The following RPRD2 variants were observed in gnomAD, a reference collection of about 807,000 sequenced individuals.
The protein encoded by RPRD2 is regulation of nuclear pre-mRNA domain-containing protein 2.
Under a neutral mutation model 104.4 loss-of-function variants are expected in RPRD2, and 12 were observed. The ratio of observed to expected loss-of-function variants is 0.11; its 90% CI spans 0.07 to 0.19. The LOEUF (loss-of-function observed/expected upper bound fraction) is 0.19, where lower values mean the gene tolerates loss of function less well. RPRD2 is among the 10% of genes least tolerant of loss of function. The pLI is 1.00. For missense variants in RPRD2, 1,543 were observed against 1,790.1 expected, an observed-to-expected ratio of 0.86 and a Z score of 2.49; for synonymous variants, 714 against 684.9, an observed-to-expected ratio of 1.04 and a Z score of -0.66.
chr1:150,390,941 A>G (rs1662017802), intron 1 of RPRD2, among the ~76,000 whole-genome samples: 3 of 152,190 alleles, frequency 2.0e-5, no homozygotes, highest in Non-Finnish European at 4.4e-5. Context: ...AAAGAAATCT[A>G]CTTGTACATA....
chr1:150,450,605 CAAA>C (rs1186175962), intron 7 of RPRD2, among the ~76,000 whole-genome samples: 11 of 50,558 alleles, frequency 2.2e-4, no homozygotes, highest in African/African-American at 4.2e-4. Flanking sequence ...GACTCCGTCT[CAAA>C]AAAAAAAAAA....
At chr1:150,422,000 A>G (rs1305699562) in intron 2 of RPRD2, among the ~76,000 whole-genome samples, 2 of 149,132 alleles carry the variant, frequency 1.3e-5, no homozygotes, top group African/African-American at 5.0e-5. Context: ...AAACAAATAC[A>G]GAACTTAAGT....
intron 10 of RPRD2, among the ~76,000 whole-genome samples, chr1:150,465,645 T>G (rs782633299): frequency 3.3e-5 from 5 of 152,196 alleles, no homozygotes; most frequent in Non-Finnish European, 7.3e-5. Context: ...TTCTTTCACC[T>G]ACACCATGAC....
chr1:150,443,782 G>T (rs1441438176), intron 5 of RPRD2, among the ~76,000 whole-genome samples: 2 of 151,854 alleles, frequency 1.3e-5, no homozygotes, highest in Non-Finnish European at 2.9e-5. Flanking sequence ...GAGGTGGGCG[G>T]ATCACGAGGT....
chr1:150,421,881 G>T (rs1553889663), intron 2 of RPRD2, among the ~76,000 whole-genome samples: 1 of 152,028 alleles, frequency 6.6e-6, no homozygotes, highest in Non-Finnish European at 1.5e-5. Context: ...GGAGGCCAAG[G>T]CAGGAGGATC....
intron 2 of RPRD2, among the ~76,000 whole-genome samples, chr1:150,430,878 G>A (rs1347977612): frequency 1.3e-5 from 2 of 151,766 alleles, no homozygotes; most frequent in East Asian, 3.9e-4. Context: ...GGTGAGCTGA[G>A]ATCGCGCCGT....
intron 1 of RPRD2, among the ~76,000 whole-genome samples, chr1:150,402,779 C>T (rs1282439321): frequency 1.3e-5 from 2 of 152,126 alleles, no homozygotes; most frequent in African/African-American, 4.8e-5. Flanking sequence ...CCAGCCTGAC[C>T]AACATGGAGA....
At chr1:150,455,461 C>G (rs1168961371) in intron 7 of RPRD2, among the ~76,000 whole-genome samples, 1 of 151,570 alleles carries the variant, frequency 6.6e-6, no homozygotes, top group East Asian at 1.9e-4. Flanking sequence ...AAGACCATAC[C>G]ACTGCACTCC....
At chr1:150,380,530 A>G (rs1553880592) in intron 1 of RPRD2, among the ~76,000 whole-genome samples, 1 of 151,740 alleles carries the variant, frequency 6.6e-6, no homozygotes, top group Non-Finnish European at 1.5e-5. Context: ...GTATTTTTCT[A>G]GTAGAGATGA....
At chr1:150,433,417 C>T (rs764235430) in intron 2 of RPRD2, among the ~76,000 whole-genome samples, 247 of 141,978 alleles carry the variant, frequency 1.7e-3, no homozygotes, top group Middle Eastern at 3.6e-3. Context: ...ACTATATATA[C>T]ACACACACAC....
Position 150,474,842 on chromosome 1 carries a change from G to A in RPRD2, c.*1508G>A, listed in dbSNP as rs1376973766. The A allele has an allele frequency of 2.0e-5, 3 of 152,180 alleles. No individual in the cohort carries two copies. Among genetic ancestry groups the A allele is most frequent in the Admixed American group, 6.5e-5 (1 of 15,284 alleles). 9.4% of individuals were successfully genotyped at this position (152,180 alleles called of 1,614,324 possible). A position where few individuals can be genotyped will look rare whatever the true frequency, so the allele number is the denominator to read the frequency against. ...GTTAGTATAGAACTAACTATAGGAA[G>A]TATGGGGTTGCTTTTTCCTCCAGTA... On this transcript the variant is annotated 3_prime_UTR_variant, in exon 11 of 11. Coordinates refer to ENST00000369068, the MANE Select transcript of RPRD2 (RefSeq NM_015203.5).
chr1:150,430,104 T>C lies in RPRD2; in HGVS notation c.336-10819T>C, dbSNP rs1665449398. 2.0e-5 allele frequency among the ~76,000 whole-genome samples: 3 copies of C among 152,284 alleles called. No individual in the cohort carries two copies. In the South Asian group the frequency reaches 6.2e-4, roughly 32 times the overall value. On this transcript the variant is annotated intron_variant, in intron 2 of 10. Transcript: ENST00000369068. ...AAACGTGCTCACAGTGAAAGATCTCTGAACACACAGAAAAACAGACCACCA... is the reference window on the plus strand; with the variant it reads ...AAACGTGCTCACAGTGAAAGATCTCCGAACACACAGAAAAACAGACCACCA...
chr1:150,408,304 G>A (rs1694390), intron 1 of RPRD2, among the ~76,000 whole-genome samples: 82,852 of 150,328 alleles, frequency 0.55, 23,551 homozygotes, highest in Non-Finnish European at 0.62. Flanking sequence ...ATCTGGGATT[G>A]CAGGTACCCG....
chr1:150,377,323 G>A (rs1359942062), intron 1 of RPRD2, among the ~76,000 whole-genome samples: 3 of 152,204 alleles, frequency 2.0e-5, no homozygotes, highest in East Asian at 1.9e-4. Context: ...TAAATGGGCC[G>A]GGCGCGGTGG....
rs34418501 is a variant in RPRD2 at position 150,375,010 on chromosome 1, C to CT, written c.205+10103dup. 1.8e-3 allele frequency among the ~76,000 whole-genome samples: 260 copies of CT among 143,532 alleles called. 1 individual carries two copies. The highest frequency in any genetic ancestry group is 4.0e-3 in the South Asian group (18 of 4,512). 94.2% of individuals were successfully genotyped at this position (143,532 alleles called of 152,430 possible). A position where few individuals can be genotyped will look rare whatever the true frequency, so the allele number is the denominator to read the frequency against. ...CCTCCCCTTTAGATGCCTAAGTCAC[C>CT]TTTTTTTTTTTTCATTCCATTGCTC... is the stretch of plus-strand genomic sequence containing the variant. On this transcript the variant is annotated intron_variant, in intron 1 of 10. Transcript: ENST00000369068.
chr1:150,471,124 C>A lies in RPRD2; in HGVS notation c.2176C>A (p.Arg726=), dbSNP rs201498425. 6.2e-7 allele frequency: 1 copy of A among 1,613,936 alleles called. No homozygotes were observed. Among genetic ancestry groups the A allele is most frequent in the Middle Eastern group, 1.6e-4 (1 of 6,062 alleles). Residue 726 remains arginine, a synonymous_variant, in exon 11 of 11, where the codon CGG becomes AGG. Transcript: ENST00000369068. The surrounding 1 kb of genome is among the most constrained non-coding windows in gnomAD (Gnocchi z 5.3). ...SIDNIDGTPV[R]DERSGTPTQD... ...CGACAACATTGATGGAACCCCTGTA[C>A]GGGATGAACGGAGTGGGACACCCAC...
chr1:150,462,119 T>TTA (rs1553898963), intron 9 of RPRD2, among the ~76,000 whole-genome samples: 1 of 150,802 alleles, frequency 6.6e-6, no homozygotes, highest in East Asian at 2.0e-4. Context: ...CCCTGTCTAC[T>TTA]AAAAATACAA....
At chr1:150,466,494 C>T (rs755569845) in intron 10 of RPRD2, among the ~76,000 whole-genome samples, 1 of 148,582 alleles carries the variant, frequency 6.7e-6, no homozygotes, top group African/African-American at 2.5e-5. Context: ...GGCTGCAGTA[C>T]GCTGTGGTCA....
At position 150,472,410 on chromosome 1, in the gene RPRD2, G is replaced by A; in HGVS notation, c.3462G>A (p.Gly1154=). ...CTGAGTTGGCATCCCTTGGGGGTGG[G>A]GGCAGCGGAGGCCTCACTGGCTTTA... ...SASELASLGG[G]GSGGLTGFKT... is the part of the protein sequence containing the mutation. The change falls in exon 11 of 11, where the codon GGG becomes GGA. Residue 1154 remains glycine, a synonymous_variant. Coordinates refer to ENST00000369068, the MANE Select transcript of RPRD2 (RefSeq NM_015203.5). 6.2e-7 allele frequency: 1 copy of A among 1,613,918 alleles called. No homozygotes were observed. Among genetic ancestry groups the A allele is most frequent in the Non-Finnish European group, 8.5e-7 (1 of 1,179,872 alleles).
Sources: allele counts gnomAD v4.1 joint callset (sites outside exome capture counted in the v4.1 genomes callset), GRCh38; gene constraint gnomAD v4.1.1; non-coding constraint Gnocchi (gnomAD v3.1); transcripts MANE v1.5; gene names NCBI Gene and HGNC (gene_info 2026-07-23, HGNC 2026-07-21).